The following ADGRL3 variants were observed in gnomAD, a reference collection of about 807,000 sequenced individuals.
ADGRL3 encodes the protein calcium-independent alpha-latrotoxin receptor 3.
In ADGRL3, 62 loss-of-function variants were observed where a neutral mutation model predicts 153.5. The ratio of observed to expected loss-of-function variants is 0.40; its 90% CI spans 0.33 to 0.50. ADGRL3 has a LOEUF of 0.50. Among genes scored for constraint, ADGRL3 ranks in the 20% least tolerant of loss-of-function variants. ADGRL3 has a pLI of 0.47. For synonymous variants in ADGRL3, 710 were observed against 672.5 expected (o/e 1.06, Z -0.86); for missense variants, 1,641 against 1,859.4 (o/e 0.88, Z 2.16).
At chr4:61,211,094 T>C (rs1739774650) in intron 1 of ADGRL3, among the ~76,000 whole-genome samples, 1 of 152,204 alleles carries the variant, frequency 6.6e-6, no homozygotes, top group Non-Finnish European at 1.5e-5. Flanking sequence ...ATCTAAGTTA[T>C]ATGTACTTCA....
chr4:61,843,810 G>A (rs1393797034), intron 9 of ADGRL3, among the ~76,000 whole-genome samples: 9 of 151,934 alleles, frequency 5.9e-5, no homozygotes, highest in East Asian at 1.9e-4. Flanking sequence ...CCAGGAGTTC[G>A]AGACAAGCCT....
intron 3 of ADGRL3, among the ~76,000 whole-genome samples, chr4:61,512,439 C>A (rs1401902344): frequency 1.3e-5 from 2 of 152,056 alleles, no homozygotes; most frequent in Non-Finnish European, 2.9e-5. Flanking sequence ...CGTCCATAGG[C>A]ATTTTTATAA....
intron 9 of ADGRL3, among the ~76,000 whole-genome samples, chr4:61,853,574 A>G (rs2098231942): frequency 6.6e-6 from 1 of 152,154 alleles, no homozygotes; most frequent in Non-Finnish European, 1.5e-5. Flanking sequence ...ACAAAGTTTT[A>G]TTATTACTTG....
intron 25 of ADGRL3, among the ~76,000 whole-genome samples, chr4:62,045,845 CT>C (rs1293995573): frequency 6.6e-6 from 1 of 151,878 alleles, no homozygotes; most frequent in African/African-American, 2.4e-5. Flanking sequence ...GAGCTACCTC[CT>C]GGTATTTTGT....
intron 2 of ADGRL3, among the ~76,000 whole-genome samples, chr4:61,421,434 C>G (rs368366175): frequency 2.0e-5 from 3 of 151,980 alleles, no homozygotes; most frequent in East Asian, 3.9e-4. Context: ...GTGAAAAGCA[C>G]TAGAAATCTA....
intron 1 of ADGRL3, among the ~76,000 whole-genome samples, chr4:61,329,748 G>A (rs766938552): frequency 6.6e-6 from 1 of 152,134 alleles, no homozygotes; most frequent in Non-Finnish European, 1.5e-5. Context: ...ATAGGATGTA[G>A]ATATTTAACT....
intron 9 of ADGRL3, among the ~76,000 whole-genome samples, chr4:61,860,307 C>T (rs995321567): frequency 2.6e-5 from 4 of 152,122 alleles, no homozygotes; most frequent in African/African-American, 9.7e-5. Flanking sequence ...TCTCCATCCC[C>T]TCACGTCTTT....
intron 6 of ADGRL3, among the ~76,000 whole-genome samples, chr4:61,694,044 C>G (rs2095588282): frequency 6.6e-6 from 1 of 152,008 alleles, no homozygotes; most frequent in Admixed American, 6.6e-5. Flanking sequence ...AATACATATA[C>G]AGAGTGTAAT....
chr4:61,238,281 G>A (rs4860090), intron 1 of ADGRL3, among the ~76,000 whole-genome samples: 56,082 of 151,814 alleles, frequency 0.37, 11,148 homozygotes, highest in East Asian at 0.68. Context: ...ATTCACTGTG[G>A]TACTACATTT....
At chr4:61,386,835 A>G (rs1182210448) in intron 2 of ADGRL3, among the ~76,000 whole-genome samples, 2 of 152,196 alleles carry the variant, frequency 1.3e-5, no homozygotes, top group Non-Finnish European at 2.9e-5. Context: ...TGTATTTCCA[A>G]TATGTGTCAA....
chr4:61,447,719 T>C (rs978744876), intron 2 of ADGRL3, among the ~76,000 whole-genome samples: 2 of 152,202 alleles, frequency 1.3e-5, no homozygotes, highest in Non-Finnish European at 2.9e-5. Context: ...TTTATTTGCT[T>C]AATATTACAG....
intron 25 of ADGRL3, among the ~76,000 whole-genome samples, chr4:62,061,143 G>A (rs1739901749): frequency 6.6e-6 from 1 of 151,826 alleles, no homozygotes; most frequent in Non-Finnish European, 1.5e-5. Flanking sequence ...AGAAAAGATT[G>A]AAAATACTAT....
chr4:62,035,079 A>T (rs1257792654), intron 23 of ADGRL3, among the ~76,000 whole-genome samples: 2 of 151,984 alleles, frequency 1.3e-5, no homozygotes, highest in Non-Finnish European at 2.9e-5. Context: ...TTGTAATCTA[A>T]AAAATGTTTC....
At chr4:61,651,606 T>G (rs1329304676) in intron 5 of ADGRL3, among the ~76,000 whole-genome samples, 3 of 151,414 alleles carry the variant, frequency 2.0e-5, no homozygotes, top group Non-Finnish European at 4.4e-5. Context: ...TTTGTTTTTG[T>G]TTTTGTTTCT....
chr4:61,601,150 C>G (rs982142108), intron 5 of ADGRL3, among the ~76,000 whole-genome samples: 1 of 152,106 alleles, frequency 6.6e-6, no homozygotes, highest in South Asian at 2.1e-4. Flanking sequence ...AATTATCTCT[C>G]TATGAATTTG....
intron 1 of ADGRL3, among the ~76,000 whole-genome samples, chr4:61,339,022 A>G (rs1299830949): frequency 6.6e-6 from 1 of 152,150 alleles, no homozygotes; most frequent in Non-Finnish European, 1.5e-5. Flanking sequence ...GATGATAGTG[A>G]TAGTGTGGGG....
At chr4:62,041,844 C>T (rs1187916617) in intron 24 of ADGRL3, among the ~76,000 whole-genome samples, 1 of 151,948 alleles carries the variant, frequency 6.6e-6, no homozygotes, top group Non-Finnish European at 1.5e-5. Flanking sequence ...CCTTTTTCTC[C>T]TTTTCCTCTT....
chr4:61,703,732 G>T (rs1435200319), intron 6 of ADGRL3, among the ~76,000 whole-genome samples: 1 of 151,852 alleles, frequency 6.6e-6, no homozygotes, highest in Non-Finnish European at 1.5e-5. Context: ...AGAGAAAACT[G>T]ACTAAAAAAA....
At chr4:62,026,487 T>G (rs989483799) in intron 21 of ADGRL3, among the ~76,000 whole-genome samples, 19 of 152,206 alleles carry the variant, frequency 1.2e-4, no homozygotes, top group African/African-American at 4.1e-4. Flanking sequence ...AACTAAATGG[T>G]CCCCACCAGT....
Sources: gnomAD v4.1 joint callset for allele counts (sites outside exome capture counted in the v4.1 genomes callset) on GRCh38, gnomAD v4.1.1 for gene constraint, MANE v1.5 for transcripts, NCBI Gene and HGNC (gene_info 2026-07-23, HGNC 2026-07-21) for gene names.